The following BTBD9 variants were observed in gnomAD, a reference collection of about 807,000 sequenced individuals.
The protein encoded by BTBD9 is BTB/POZ domain-containing protein 9.
Under a neutral mutation model 64.3 loss-of-function variants are expected in BTBD9, and 49 were observed. The ratio of observed to expected loss-of-function variants is 0.76; its 90% confidence interval spans 0.61 to 0.97. The LOEUF is 0.97. Ranked by LOEUF, BTBD9 falls within the 50% of genes least tolerant of loss-of-function variation. The pLI, the probability that BTBD9 is intolerant of heterozygous loss-of-function variation, is 0.00. For missense variants in BTBD9, 598 were observed against 762.1 expected, an observed-to-expected ratio of 0.78 and a Z score of 2.53; for synonymous variants, 260 against 274.7, an observed-to-expected ratio of 0.95 and a Z score of 0.53.
At chr6:38,579,786 T>C (rs1247419814) in intron 5 of BTBD9, among the ~76,000 whole-genome samples, 1 of 152,188 alleles carries the variant, frequency 6.6e-6, no homozygotes, top group African/African-American at 2.4e-5. Flanking sequence ...GGTAGAGTGT[T>C]CACAATGTAT....
At position 38,254,451 on chromosome 6, in the gene BTBD9, AAAAC is replaced by A. The variant is rs374722049; in HGVS notation, c.1562+1954_1562+1957del. 2.0e-3 allele frequency among the ~76,000 whole-genome samples: 304 copies of A among 152,048 alleles called. 3 individuals are homozygous for A. The highest frequency in any genetic ancestry group is 6.5e-3 in the African/African-American group (270 of 41,438). On this transcript the variant is annotated intron_variant, in intron 9 of 10. Coordinates refer to ENST00000481247, the MANE Select transcript of BTBD9 (RefSeq NM_001099272.2). ...AATATGGTGAGGTGCTGTCTCTACA[AAAAC>A]AAACAAACAAACAAACAAACAAAAA...
At chr6:38,455,290 C>T (rs1769745425) in intron 6 of BTBD9, among the ~76,000 whole-genome samples, 1 of 152,166 alleles carries the variant, frequency 6.6e-6, no homozygotes, top group Admixed American at 6.5e-5. Flanking sequence ...CTCACCTCAC[C>T]CTTAACCCTG....
intron 9 of BTBD9, among the ~76,000 whole-genome samples, chr6:38,209,468 C>T (rs72849812): frequency 0.011 from 1,601 of 152,308 alleles, 17 homozygotes; most frequent in Non-Finnish European, 0.014. Context: ...CTGCTGCCTG[C>T]CTTCCCTTGG....
intron 9 of BTBD9, among the ~76,000 whole-genome samples, chr6:38,206,022 A>T (rs1762637664): frequency 6.6e-6 from 1 of 152,036 alleles, no homozygotes; most frequent in South Asian, 2.1e-4. Context: ...GGCCCACAGG[A>T]CAACTAGTCC....
At chr6:38,276,135 G>A (rs1489643170) in intron 8 of BTBD9, among the ~76,000 whole-genome samples, 1 of 152,164 alleles carries the variant, frequency 6.6e-6, no homozygotes, top group African/African-American at 2.4e-5. Flanking sequence ...TTAAGAAAAT[G>A]TGGCACATAT....
At chr6:38,296,911 C>CTAG (rs781718927) in intron 7 of BTBD9, among the ~76,000 whole-genome samples, 10 of 152,114 alleles carry the variant, frequency 6.6e-5, no homozygotes, top group Admixed American at 3.9e-4. Context: ...ACTTTGTGGT[C>CTAG]TAGTACATGG....
chr6:38,335,256 T>A (rs1490993834), intron 7 of BTBD9, among the ~76,000 whole-genome samples: 3 of 66,586 alleles, frequency 4.5e-5, no homozygotes, highest in East Asian at 5.7e-3. Flanking sequence ...AATTTTAAAT[T>A]TTTTTTTTTT....
chr6:38,303,680 C>T (rs973210063), intron 7 of BTBD9, among the ~76,000 whole-genome samples: 10 of 151,682 alleles, frequency 6.6e-5, no homozygotes, highest in Non-Finnish European at 1.3e-4. Flanking sequence ...ATCACAAAAT[C>T]ATTACTGATA....
At chr6:38,199,334 C>T (rs958213666) in intron 9 of BTBD9, among the ~76,000 whole-genome samples, 1 of 151,646 alleles carries the variant, frequency 6.6e-6, no homozygotes, top group Non-Finnish European at 1.5e-5. Flanking sequence ...GAGTCCCTTT[C>T]GGGAGCCGCT....
intron 6 of BTBD9, among the ~76,000 whole-genome samples, chr6:38,552,577 G>A (rs1194211423): frequency 6.6e-6 from 1 of 151,966 alleles, no homozygotes; most frequent in Non-Finnish European, 1.5e-5. Context: ...GACCAGGCTG[G>A]CCAACATGGT....
intron 6 of BTBD9, among the ~76,000 whole-genome samples, chr6:38,464,592 C>G (rs989332468): frequency 2.0e-5 from 3 of 152,092 alleles, no homozygotes; most frequent in Non-Finnish European, 4.4e-5. Flanking sequence ...ACTTCCTGGG[C>G]TCAAGCGATT....
chr6:38,487,240 C>T (rs1202967526), intron 6 of BTBD9, among the ~76,000 whole-genome samples: 1 of 151,944 alleles, frequency 6.6e-6, no homozygotes, highest in Non-Finnish European at 1.5e-5. Context: ...TAAATTATCT[C>T]CTGTCATTCT....
intron 5 of BTBD9, among the ~76,000 whole-genome samples, chr6:38,579,332 G>A (rs964817343): frequency 1.3e-5 from 2 of 152,186 alleles, no homozygotes; most frequent in Non-Finnish European, 2.9e-5. Context: ...TACTATTTAA[G>A]CCCTTCATGC....
At chr6:38,275,455 A>G (rs1486648266) in intron 8 of BTBD9, among the ~76,000 whole-genome samples, 1 of 152,038 alleles carries the variant, frequency 6.6e-6, no homozygotes, top group African/African-American at 2.4e-5. Context: ...CTTCATGTCT[A>G]AAACACCAAA....
intron 6 of BTBD9, among the ~76,000 whole-genome samples, chr6:38,429,977 A>G (rs933255815): frequency 2.6e-5 from 4 of 152,030 alleles, no homozygotes; most frequent in African/African-American, 9.7e-5. Flanking sequence ...GAAGATACTC[A>G]TTTAATCTCC....
chr6:38,351,409 T>C (rs1431190278), intron 6 of BTBD9, among the ~76,000 whole-genome samples: 1 of 152,148 alleles, frequency 6.6e-6, no homozygotes, highest in African/African-American at 2.4e-5. Flanking sequence ...AAACTCATAC[T>C]ATATAGAATC....
At chr6:38,232,529 A>T (rs1763644947) in intron 9 of BTBD9, among the ~76,000 whole-genome samples, 1 of 152,122 alleles carries the variant, frequency 6.6e-6, no homozygotes, top group Non-Finnish European at 1.5e-5. Context: ...CTCAGCAGAA[A>T]AGAGATTAAA....
intron 6 of BTBD9, among the ~76,000 whole-genome samples, chr6:38,442,715 G>C (rs1403298909): frequency 1.4e-5 from 2 of 138,228 alleles, no homozygotes; most frequent in Non-Finnish European, 3.0e-5. Context: ...TGTTGCCCAG[G>C]CTGCAGTGCA....
chr6:38,204,353 G>A (rs979256841), intron 9 of BTBD9, among the ~76,000 whole-genome samples: 25 of 152,144 alleles, frequency 1.6e-4, no homozygotes, highest in Non-Finnish European at 3.5e-4. Flanking sequence ...TAGATAAAAT[G>A]TAGTATATCC....
Sources: allele counts gnomAD v4.1 joint callset (sites outside exome capture counted in the v4.1 genomes callset), GRCh38; gene constraint gnomAD v4.1.1; transcripts MANE v1.5; gene names NCBI Gene and HGNC (gene_info 2026-07-23, HGNC 2026-07-21).